The following CLN8 variants were observed in gnomAD, a reference collection of about 807,000 sequenced individuals.
CLN8 encodes protein CLN8.
In CLN8, 14 loss-of-function variants were observed where a neutral mutation model predicts 15.7. The observed-to-expected ratio is 0.89, with a 90% CI of 0.59 to 1.39. The LOEUF (loss-of-function observed/expected upper bound fraction) is 1.39. Among genes scored for constraint, CLN8 ranks in the 40% most tolerant of loss-of-function variants. CLN8 has a pLI of 0.00. For synonymous variants in CLN8, 188 were observed against 151.0 expected, an observed-to-expected ratio of 1.25 and a Z score of -1.80; for missense variants, 415 against 364.0, an observed-to-expected ratio of 1.14 and a Z score of -1.14.
upstream of CLN8, among the ~76,000 whole-genome samples, chr8:1,753,741 C>A (rs1052196028): frequency 6.6e-6 from 1 of 151,058 alleles, no homozygotes; most frequent in African/African-American, 2.4e-5. Flanking sequence ...AAAAAATTAG[C>A]CGGCTGTGGT....
At chr8:1,761,181 C>G (rs778792144), upstream of CLN8, among the ~76,000 whole-genome samples, 5 of 151,044 alleles carry the variant, frequency 3.3e-5, no homozygotes, top group Non-Finnish European at 7.4e-5. Context: ...AACTGCCAAT[C>G]AGGTTCATGT....
chr8:1,769,857 G>A (rs1801229175), intron 1 of CLN8, among the ~76,000 whole-genome samples: 1 of 152,144 alleles, frequency 6.6e-6, no homozygotes, highest in South Asian at 2.1e-4. Flanking sequence ...ATGCTGTGAT[G>A]GAAGGCAGGT....
rs149308952 is a variant in CLN8, at chr8:1,771,524, A to G, written c.470A>G (p.His157Arg). 1.9e-5 allele frequency: 31 copies of G among 1,614,022 alleles called. No individual in the cohort carries two copies. Among genetic ancestry groups the G allele is most frequent in the Non-Finnish European group, 2.5e-5 (30 of 1,180,040 alleles). ...LGCLVNLQAGHYLAMTTLLLE... is the reference protein window; with the variant it reads ...LGCLVNLQAGRYLAMTTLLLE... ...TGCTTGGTCAATCTCCAAGCTGGCC[A>G]CTATCTAGCTATGACCACGTTGCTC... Residue 157 changes from histidine (H) to arginine (R), a missense_variant, in exon 2 of 3, where the codon CAC (histidine) becomes CGC (arginine). Physicochemically the swap from His to Arg is conservative, Grantham distance 29 (BLOSUM62 0). Transcript: ENST00000331222.
Position 1,780,583 on chromosome 8 carries a change from C to G in CLN8, c.*16C>G. The stretch of plus-strand genomic sequence containing the variant: ...GAGGCCATAGCTGCTCCAGCCGGGG[C>G]TCCGGGGCGGCAGCAGAGCTGGCAC... On this transcript the variant is annotated 3_prime_UTR_variant, in exon 3 of 3. Coordinates refer to ENST00000331222, the MANE Select transcript of CLN8 (RefSeq NM_018941.4). 6.2e-7 allele frequency: 1 copy of G among 1,610,610 alleles called. No homozygotes were observed. The highest frequency in any genetic ancestry group is 8.5e-7 in the Non-Finnish European group (1 of 1,177,454).
upstream of CLN8, among the ~76,000 whole-genome samples, chr8:1,753,237 A>T (rs1157847910): frequency 6.6e-6 from 1 of 152,086 alleles, no homozygotes. Context: ...TGCCCACCTC[A>T]TTATTTTTAT....
At chr8:1,755,919 G>A (rs1343006624) in exon 1 of CLN8, 1 of 152,106 alleles carries the variant, frequency 6.6e-6, no homozygotes, top group Non-Finnish European at 1.5e-5. Context: ...CGACCGTGTG[G>A]GTCTCGTTAT....
At chr8:1,770,401 G>T (rs1404953849) in intron 1 of CLN8, among the ~76,000 whole-genome samples, 1 of 152,186 alleles carries the variant, frequency 6.6e-6, no homozygotes, top group African/African-American at 2.4e-5. Context: ...ATTCTGCAGA[G>T]TGCCGTAGGT....
intron 2 of CLN8, among the ~76,000 whole-genome samples, chr8:1,772,626 T>TTGTGTG (rs568342994): frequency 1.2e-3 from 175 of 147,426 alleles, no homozygotes; most frequent in South Asian, 2.4e-3. Context: ...CCTAGCTAAT[T>TTGTGTG]TGTGTGTGTG....
At chr8:1,778,060 A>G (rs1489062956) in intron 2 of CLN8, among the ~76,000 whole-genome samples, 1 of 152,156 alleles carries the variant, frequency 6.6e-6, no homozygotes, top group Non-Finnish European at 1.5e-5. Flanking sequence ...TACTGCCGCT[A>G]TGGGTCTGAG....
Position 1,781,348 on chromosome 8 carries a change from A to G in CLN8, c.*781A>G, listed in dbSNP as rs1137514. Reference sequence around the variant, plus strand: ...ACTCCAGCACTCCAGCCTGGGTGACAGAGCAAGACTCTCTCTCAAAAAAAA... The same window carrying G: ...ACTCCAGCACTCCAGCCTGGGTGACGGAGCAAGACTCTCTCTCAAAAAAAA... On this transcript the variant is annotated 3_prime_UTR_variant, in exon 3 of 3. Coordinates refer to ENST00000331222, the MANE Select transcript of CLN8 (RefSeq NM_018941.4). The G allele has an allele frequency of 0.65, 94,333 of 145,382 alleles. 30,787 individuals carry two copies. The highest frequency in any genetic ancestry group is 0.69 in the Middle Eastern group (188 of 272). The allele number at this position is 145,382 out of a possible 1,614,324, so 9.0% of individuals were successfully genotyped here. A position where few individuals can be genotyped will look rare whatever the true frequency, so the allele number is the denominator to read the frequency against.
rs200690073 is a variant in CLN8, at chr8:1,775,765, A to G, written c.543+4168A>G. Among the ~76,000 whole-genome samples, 74 of 152,178 alleles carry G rather than the reference A, an allele frequency of 4.9e-4. 1 individual carries two copies. Among genetic ancestry groups the G allele is most frequent in the Admixed American group, 3.8e-3 (58 of 15,294 alleles). Reference sequence around the variant, plus strand: ...CTTCCAGCTACTGTAGAGGATTCTGATGTTCAGAACATCGACTCTTCAGTG... The same window carrying G: ...CTTCCAGCTACTGTAGAGGATTCTGGTGTTCAGAACATCGACTCTTCAGTG... On this transcript the variant is annotated intron_variant, in intron 2 of 2. Transcript: ENST00000331222.
chr8:1,753,388 C>T (rs529197901), upstream of CLN8, among the ~76,000 whole-genome samples: 27 of 151,726 alleles, frequency 1.8e-4, no homozygotes, highest in South Asian at 5.2e-3. Context: ...CTGGCCAATA[C>T]GGTGAAAACC....
At chr8:1,768,327 C>G (rs1474922281) in intron 1 of CLN8, among the ~76,000 whole-genome samples, 3 of 152,194 alleles carry the variant, frequency 2.0e-5, no homozygotes, top group Admixed American at 2.0e-4. Flanking sequence ...TTTTGGTTCT[C>G]ATGTCCTGGA....
intron 1 of CLN8, chr8:1,756,128 T>G (rs568160581): frequency 6.6e-6 from 1 of 152,220 alleles, no homozygotes; most frequent in Non-Finnish European, 1.5e-5. Context: ...CACTTCCCTG[T>G]GCTGCTTTCT....
At chr8:1,769,522 C>T (rs1223989204) in intron 1 of CLN8, among the ~76,000 whole-genome samples, 2 of 152,188 alleles carry the variant, frequency 1.3e-5, no homozygotes, top group Non-Finnish European at 2.9e-5. Flanking sequence ...AGAGTCCCCA[C>T]TCCCTGCAGA....
At chr8:1,754,171 C>T (rs145023402), upstream of CLN8, among the ~76,000 whole-genome samples, 25 of 152,314 alleles carry the variant, frequency 1.6e-4, no homozygotes, top group African/African-American at 5.3e-4. Flanking sequence ...GCACACACCA[C>T]GAGCATGATC....
intron 1 of CLN8, among the ~76,000 whole-genome samples, chr8:1,757,971 T>C (rs1800710479): frequency 6.6e-6 from 1 of 152,110 alleles, no homozygotes; most frequent in African/African-American, 2.4e-5. Flanking sequence ...TCTCATCCTT[T>C]TACACTTGTG....
chr8:1,760,196 A>G (rs979291476), upstream of CLN8: 1 of 152,062 alleles, frequency 6.6e-6, no homozygotes, highest in African/African-American at 2.4e-5. Context: ...TTTTTTTTCT[A>G]TGACGTGGAT....
chr8:1,760,307 T>C (rs545910644), upstream of CLN8: 7 of 152,298 alleles, frequency 4.6e-5, no homozygotes, highest in East Asian at 1.9e-4. Context: ...TAAATGTTTG[T>C]TGTGTCATTC....
Sources: gnomAD v4.1 joint callset for allele counts (sites outside exome capture counted in the v4.1 genomes callset) on GRCh38, gnomAD v4.1.1 for gene constraint, MANE v1.5 for transcripts, NCBI Gene and HGNC (gene_info 2026-07-23, HGNC 2026-07-21) for gene names.